Variants in NFIB observed in about 807,000 individuals in gnomAD.
The protein encoded by NFIB is nuclear factor I B, also known as nuclear factor 1 B-type.
Under a neutral mutation model 61.5 loss-of-function variants are expected in NFIB, and 11 were observed. That is an observed-to-expected ratio of 0.18 (90% CI 0.11 to 0.30). The LOEUF (loss-of-function observed/expected upper bound fraction) is 0.30, where lower values mean the gene tolerates loss of function less well. Among genes scored for constraint, NFIB ranks in the 10% least tolerant of loss-of-function variants. The pLI is 1.00. For missense variants in NFIB, 471 were observed against 608.9 expected (o/e 0.77, Z 2.38); for synonymous variants, 260 against 216.5 (o/e 1.20, Z -1.76).
At chr9:14,412,630 C>A in the NFIB span, among the ~76,000 whole-genome samples, 2 of 152,100 alleles carry the variant, frequency 1.3e-5, no homozygotes. Flanking sequence ...GAATGTGGGG[C>A]ATGAGCAGGG....
At chr9:14,256,060 C>T (rs2056192279) in intron 2 of NFIB, among the ~76,000 whole-genome samples, 1 of 152,186 alleles carries the variant, frequency 6.6e-6, no homozygotes, top group African/African-American at 2.4e-5. Context: ...ATGGTGCCTG[C>T]CCCACAGGGC....
At chr9:14,158,762 G>C (rs189824341) in intron 3 of NFIB, among the ~76,000 whole-genome samples, 2,239 of 152,174 alleles carry the variant, frequency 0.015, 36 homozygotes, top group South Asian at 0.042. Flanking sequence ...TAGGCTTTTG[G>C]GTCACATGAG....
chr9:14,158,869 G>C (rs775484941), intron 3 of NFIB, among the ~76,000 whole-genome samples: 1 of 152,192 alleles, frequency 6.6e-6, no homozygotes, highest in Non-Finnish European at 1.5e-5. Flanking sequence ...CAAAGAACTG[G>C]AAGTGTTTAA....
intron 6 of NFIB, among the ~76,000 whole-genome samples, chr9:14,129,581 G>C (rs2130926412): frequency 6.6e-6 from 1 of 151,998 alleles, no homozygotes; most frequent in East Asian, 1.9e-4. Flanking sequence ...TTCATGCCAA[G>C]GTGAAAAATG....
At chr9:14,479,922 G>A in the NFIB span, among the ~76,000 whole-genome samples, 240 of 152,100 alleles carry the variant, frequency 1.6e-3, 3 homozygotes, top group Non-Finnish European at 5.0e-4. Context: ...GCACAACCTT[G>A]TGAATATACT....
chr9:14,343,815 T>C (rs1223933216), intron 1 of NFIB, among the ~76,000 whole-genome samples: 1 of 124,310 alleles, frequency 8.0e-6, no homozygotes, highest in South Asian at 2.5e-4. Flanking sequence ...AAAGGGCTGC[T>C]TGGGGACAAG....
chr9:14,191,492 A>G (rs576846090), intron 2 of NFIB, among the ~76,000 whole-genome samples: 19 of 152,330 alleles, frequency 1.2e-4, no homozygotes, highest in Admixed American at 1.2e-3. Flanking sequence ...ATTTTAAAAA[A>G]GGGAACTGAG....
intron 1 of NFIB, among the ~76,000 whole-genome samples, chr9:14,379,361 A>T (rs2061456912): frequency 6.6e-6 from 1 of 152,222 alleles, no homozygotes; most frequent in Non-Finnish European, 1.5e-5. Context: ...TTTTCTTAAA[A>T]TTGAATTATG....
intron 2 of NFIB, among the ~76,000 whole-genome samples, chr9:14,250,440 G>A (rs529394365): frequency 6.6e-6 from 1 of 152,156 alleles, no homozygotes; most frequent in African/African-American, 2.4e-5. Flanking sequence ...AAGGAAGACA[G>A]ATTTCCAAAA....
rs751279935 is a variant in NFIB, at chr9:14,219,381, T to TAAAAAAAAAAAA, written c.563-39613_563-39602dup. 2.7e-4 allele frequency among the ~76,000 whole-genome samples: 20 copies of TAAAAAAAAAAAA among 73,504 alleles called. 2 individuals are homozygous for TAAAAAAAAAAAA. The highest frequency in any genetic ancestry group is 4.1e-4 in the Non-Finnish European group (17 of 41,398). 48.2% of individuals were successfully genotyped at this position (73,504 alleles called of 152,430 possible). A position where few individuals can be genotyped will look rare whatever the true frequency, so the allele number is the denominator to read the frequency against. ...ATAGAGTCATCTTGTAGCACTAGGG[T>TAAAAAAAAAAAA]AAAAAAAAAAAAAAAAAAAAAAAGT... On this transcript the variant is annotated intron_variant, in intron 2 of 10. Coordinates refer to ENST00000380953, the MANE Select transcript of NFIB (RefSeq NM_001190737.2).
chr9:14,282,855 G>A (rs948969266), intron 2 of NFIB, among the ~76,000 whole-genome samples: 6 of 152,190 alleles, frequency 3.9e-5, no homozygotes, highest in Admixed American at 3.3e-4. Context: ...AACCACTGTT[G>A]TATGAACTTC....
chr9:14,130,228 A>G (rs1292903012), intron 6 of NFIB, among the ~76,000 whole-genome samples: 3 of 151,754 alleles, frequency 2.0e-5, no homozygotes, highest in South Asian at 4.2e-4. Flanking sequence ...TGCAAGATCT[A>G]CCACAGTATC....
the NFIB span, among the ~76,000 whole-genome samples, chr9:14,405,377 G>A: frequency 6.6e-6 from 1 of 152,180 alleles, no homozygotes; most frequent in Non-Finnish European, 1.5e-5. Context: ...ATTCATTCCA[G>A]AGTGTGGAAT....
chr9:14,362,352 C>T lies in NFIB; in HGVS notation c.108+36172G>A, dbSNP rs192558496. The stretch of plus-strand genomic sequence containing the variant: ...AATATATCTTTCCCAACTCTGCCTG[C>T]CATAGTTTTATGAACATCAAGAACT... On this transcript the variant is annotated intron_variant, in intron 1 of 8. Coordinates refer to the NFIB transcript ENST00000380934. The T allele has an allele frequency of 1.2e-4, 18 of 152,282 alleles. No homozygotes were observed. In the East Asian group the frequency reaches 3.1e-3, roughly 26 times the overall value. The allele number at this position is 152,282 out of a possible 1,614,324, so 9.4% of individuals were successfully genotyped here. A position where few individuals can be genotyped will look rare whatever the true frequency, so the allele number is the denominator to read the frequency against.
rs73411927 is a variant in NFIB, at chr9:14,144,861, G to C, written c.925+1828C>G. 4.5e-3 allele frequency among the ~76,000 whole-genome samples: 682 copies of C among 152,242 alleles called. 4 individuals carry two copies. Among genetic ancestry groups the C allele is most frequent in the African/African-American group, 0.015 (640 of 41,550 alleles). The stretch of plus-strand genomic sequence containing the variant: ...GGTCATAACTTATAGGAAGGTCCCG[G>C]TTGTTGAATTCGCAACTTCAAGTAA... On this transcript the variant is annotated intron_variant, in intron 6 of 10. Transcript: ENST00000380953.
chr9:14,176,992 T>C (rs931441105), intron 3 of NFIB, among the ~76,000 whole-genome samples: 21 of 152,198 alleles, frequency 1.4e-4, no homozygotes, highest in African/African-American at 4.8e-4. Flanking sequence ...GCAATTTCCA[T>C]GGGTTGCACA....
At chr9:14,463,789 T>A in the NFIB span, among the ~76,000 whole-genome samples, 2 of 149,090 alleles carry the variant, frequency 1.3e-5, no homozygotes, top group African/African-American at 4.9e-5. Flanking sequence ...GCCTCCCGAG[T>A]AGCTGGGACT....
At chr9:14,396,056 C>G (rs925181712) in intron 1 of NFIB, among the ~76,000 whole-genome samples, 1 of 152,050 alleles carries the variant, frequency 6.6e-6, no homozygotes, top group Non-Finnish European at 1.5e-5. Flanking sequence ...TGTGAATGAA[C>G]CCAGAGGCTT....
chr9:14,268,134 A>T (rs550523595), intron 2 of NFIB, among the ~76,000 whole-genome samples: 2 of 152,182 alleles, frequency 1.3e-5, no homozygotes, highest in South Asian at 4.2e-4. Context: ...AAAAAAAAAA[A>T]AATTATATAC....
Sources: allele counts gnomAD v4.1 joint callset (sites outside exome capture counted in the v4.1 genomes callset), GRCh38; gene constraint gnomAD v4.1.1; transcripts MANE v1.5; gene names NCBI Gene and HGNC (gene_info 2026-07-23, HGNC 2026-07-21).